Variants in ANO6 observed in about 807,000 individuals in gnomAD.
ANO6 encodes anoctamin-6.
ANO6 carries 106 observed loss-of-function variants against 117.5 expected under a neutral mutation model. The observed-to-expected ratio is 0.90, with a 90% CI of 0.77 to 1.06. The LOEUF is 1.06. ANO6 is among the 50% of genes least tolerant of loss of function. The probability of loss-of-function intolerance (pLI) is 0.00; values close to 1 mark genes in which losing one functional copy is unlikely to be tolerated. For synonymous variants in ANO6, 367 were observed against 385.1 expected, an observed-to-expected ratio of 0.95 and a Z score of 0.55; for missense variants, 955 against 1,121.1, an observed-to-expected ratio of 0.85 and a Z score of 2.12.
chr12:45,255,838 T>TTTTTTTTTA (rs1937803143), intron 1 of ANO6, among the ~76,000 whole-genome samples: 1 of 106,624 alleles, frequency 9.4e-6, no homozygotes, highest in Non-Finnish European at 2.1e-5. Context: ...TTTTTTTTTT[T>TTTTTTTTTA]GAGACTGAAT....
intron 7 of ANO6, among the ~76,000 whole-genome samples, chr12:45,355,956 C>T (rs1176304618): frequency 2.6e-5 from 4 of 152,180 alleles, no homozygotes. Flanking sequence ...AAGTAAATCT[C>T]CTTATCGTAC....
chr12:45,419,629 G>A (rs1282505253), intron 17 of ANO6, among the ~76,000 whole-genome samples: 1 of 152,152 alleles, frequency 6.6e-6, no homozygotes, highest in Non-Finnish European at 1.5e-5. Context: ...CATATGTTCA[G>A]ATGAATACTA....
downstream of ANO6, among the ~76,000 whole-genome samples, chr12:45,436,805 TAA>T (rs1034200079): frequency 6.6e-6 from 1 of 152,104 alleles, no homozygotes; most frequent in Non-Finnish European, 1.5e-5. Context: ...CTATTTCTAC[TAA>T]AAATACAAAA....
At chr12:45,391,028 C>A (rs145242196) in intron 12 of ANO6, among the ~76,000 whole-genome samples, 1 of 151,604 alleles carries the variant, frequency 6.6e-6, no homozygotes, top group Non-Finnish European at 1.5e-5. Flanking sequence ...GGCTGAGGCA[C>A]GAGAGTCACT....
chr12:45,305,023 G>A (rs949178737), intron 2 of ANO6, among the ~76,000 whole-genome samples: 1 of 152,222 alleles, frequency 6.6e-6, no homozygotes, highest in African/African-American at 2.4e-5. Context: ...CTGCATATCT[G>A]TGTTGCTCTT....
intron 8 of ANO6, among the ~76,000 whole-genome samples, chr12:45,362,817 C>T (rs1162845859): frequency 6.6e-6 from 1 of 152,014 alleles, no homozygotes; most frequent in Non-Finnish European, 1.5e-5. Context: ...AGATCTGTTC[C>T]TTCTCTACTC....
chr12:45,220,485 C>A (rs1221652883), intron 1 of ANO6, among the ~76,000 whole-genome samples: 1 of 152,146 alleles, frequency 6.6e-6, no homozygotes, highest in East Asian at 1.9e-4. Context: ...GATACTAGCC[C>A]CAGTCTTCCT....
chr12:45,364,405 T>C (rs920134117), intron 8 of ANO6, among the ~76,000 whole-genome samples: 18 of 152,224 alleles, frequency 1.2e-4, no homozygotes, highest in Admixed American at 1.1e-3. Context: ...GTTTCTCTCC[T>C]TTTTTCTCTG....
At chr12:45,336,362 T>C (rs1036871775) in intron 3 of ANO6, among the ~76,000 whole-genome samples, 3 of 151,596 alleles carry the variant, frequency 2.0e-5, no homozygotes, top group Admixed American at 6.6e-5. Context: ...TTAGCTTTAA[T>C]ATACAATGTG....
intron 2 of ANO6, among the ~76,000 whole-genome samples, chr12:45,302,538 T>C (rs980905647): frequency 2.0e-5 from 3 of 152,286 alleles, no homozygotes; most frequent in Admixed American, 1.3e-4. Context: ...AACCTACATG[T>C]ATCTTGTAGG....
intron 2 of ANO6, among the ~76,000 whole-genome samples, chr12:45,308,253 G>T (rs891322866): frequency 1.3e-5 from 2 of 151,902 alleles, no homozygotes; most frequent in African/African-American, 4.8e-5. Flanking sequence ...GAGAGGGCAA[G>T]AAGGGAATCC....
chr12:45,277,639 ACTTGCGGGTCT>A (rs1296114773), intron 1 of ANO6, among the ~76,000 whole-genome samples: 1 of 152,066 alleles, frequency 6.6e-6, no homozygotes, highest in East Asian at 1.9e-4. Flanking sequence ...TTTTTTTTAA[ACTTGCGGGTCT>A]GACAATGCTT....
At chr12:45,280,877 T>G (rs201432211) in intron 1 of ANO6, among the ~76,000 whole-genome samples, 37 of 82,976 alleles carry the variant, frequency 4.5e-4, no homozygotes, top group Middle Eastern at 0.015. Flanking sequence ...TTTATATATA[T>G]ATAGAGAGAG....
chr12:45,281,706 A>C (rs529139776), intron 1 of ANO6, among the ~76,000 whole-genome samples: 1 of 152,310 alleles, frequency 6.6e-6, no homozygotes, highest in Non-Finnish European at 1.5e-5. Context: ...TTTCAACAGG[A>C]GATTTGAAGG....
chr12:45,361,833 C>T (rs541129267), intron 8 of ANO6, among the ~76,000 whole-genome samples: 14 of 152,156 alleles, frequency 9.2e-5, no homozygotes, highest in South Asian at 6.2e-4. Flanking sequence ...TCCTTGCATT[C>T]CTGGATAGAT....
chr12:45,418,129 G>A (rs1194793479), intron 17 of ANO6, among the ~76,000 whole-genome samples: 3 of 152,054 alleles, frequency 2.0e-5, no homozygotes, highest in Admixed American at 6.5e-5. Flanking sequence ...TAACAGTAAC[G>A]CTGTGAGGAC....
chr12:45,338,750 A>G (rs960268001), intron 3 of ANO6, among the ~76,000 whole-genome samples: 3 of 152,068 alleles, frequency 2.0e-5, no homozygotes, highest in Non-Finnish European at 4.4e-5. Context: ...ATTTTTGAGT[A>G]TTACCACCAA....
chr12:45,347,209 G>C (rs188272924), intron 4 of ANO6, 122 bp downstream of exon 4: 337 of 892,502 alleles, frequency 3.8e-4, no homozygotes, highest in Middle Eastern at 1.4e-3. Context: ...TCATAGACTG[G>C]GAGAGGAGTC....
At chr12:45,248,208 G>A (rs921356406) in intron 1 of ANO6, among the ~76,000 whole-genome samples, 2 of 152,090 alleles carry the variant, frequency 1.3e-5, no homozygotes, top group Non-Finnish European at 2.9e-5. Flanking sequence ...ACACTTTACA[G>A]TTAACAAAGC....
Sources: gnomAD v4.1 joint callset for allele counts (sites outside exome capture counted in the v4.1 genomes callset) on GRCh38, gnomAD v4.1.1 for gene constraint, MANE v1.5 for transcripts, NCBI Gene and HGNC (gene_info 2026-07-23, HGNC 2026-07-21) for gene names.